Variants in SKI observed in about 807,000 individuals in gnomAD.
SKI encodes SKI proto-oncogene.
SKI carries 23 observed loss-of-function variants against 59.3 expected under a neutral mutation model. The observed-to-expected ratio is 0.39, with a 90% CI of 0.28 to 0.55. The LOEUF is 0.55. Among genes scored for constraint, SKI ranks in the 20% least tolerant of loss-of-function variants. The pLI, the probability that SKI is intolerant of heterozygous loss-of-function variation, is 0.67. For synonymous variants in SKI, 673 were observed against 488.6 expected (o/e 1.38, Z -4.98); for missense variants, 1,017 against 1,038.9 (o/e 0.98, Z 0.29).
intron 1 of SKI, among the ~76,000 whole-genome samples, chr1:2,263,222 A>T (rs1448810370): frequency 1.4e-5 from 2 of 142,404 alleles, no homozygotes; most frequent in Non-Finnish European, 3.0e-5. Context: ...ATTTGCTAAA[A>T]TTTTGCTTAG....
intron 1 of SKI, among the ~76,000 whole-genome samples, chr1:2,296,754 T>C (rs1047101819): frequency 2.6e-5 from 4 of 152,180 alleles, no homozygotes; most frequent in Admixed American, 6.5e-5. Context: ...TGTTGTTGTG[T>C]TTTCTCTCTG....
Position 2,306,809 on chromosome 1 carries a change from G to T in SKI, c.*44G>T. The T allele has an allele frequency of 7.2e-7, 1 of 1,382,064 alleles. No individual in the cohort carries two copies. The highest frequency in any genetic ancestry group is 1.4e-5 in the South Asian group (1 of 69,172). 85.6% of individuals were successfully genotyped at this position (1,382,064 alleles called of 1,614,324 possible). ...CAGCGCCGCCGACAACGCGGGTGCA[G>T]GGGGGCGCGGCTGGGCGGTGCAGCT... On this transcript the variant is annotated 3_prime_UTR_variant, in exon 7 of 7. Coordinates refer to ENST00000378536, the MANE Select transcript of SKI (RefSeq NM_003036.4).
At position 2,303,699 on chromosome 1, in the gene SKI, G is replaced by A. The variant is rs1640485945; in HGVS notation, c.1212-141G>A. ...AGCAGAAAACGCTTACGGGTTCTTA[G>A]GGAACTGTAAGCTTGACTTGAAGAT... On this transcript the variant is annotated intron_variant, in intron 3 of 6. Transcript: ENST00000378536. The surrounding 1 kb of genome is among the most constrained non-coding windows in gnomAD (Gnocchi z 5.6). 1.7e-6 allele frequency: 2 copies of A among 1,197,388 alleles called. No individual in the cohort carries two copies. The highest frequency in any genetic ancestry group is 1.3e-5 in the South Asian group (1 of 74,174). The allele number at this position is 1,197,388 out of a possible 1,614,324, so 74.2% of individuals were successfully genotyped here. A position where few individuals can be genotyped will look rare whatever the true frequency, so the allele number is the denominator to read the frequency against.
At chr1:2,282,528 G>A (rs554768024) in intron 1 of SKI, among the ~76,000 whole-genome samples, 8 of 152,028 alleles carry the variant, frequency 5.3e-5, no homozygotes, top group South Asian at 2.1e-4. Context: ...AGGCAGTGGC[G>A]GAGATCTTCA....
intron 1 of SKI, among the ~76,000 whole-genome samples, chr1:2,276,435 C>T (rs1639745242): frequency 6.6e-6 from 1 of 152,216 alleles, no homozygotes; most frequent in Non-Finnish European, 1.5e-5. Context: ...CTGCTGCTCT[C>T]CTGGCCCCTG....
At chr1:2,243,770 A>G (rs1638929361) in intron 1 of SKI, among the ~76,000 whole-genome samples, 1 of 152,126 alleles carries the variant, frequency 6.6e-6, no homozygotes, top group African/African-American at 2.4e-5. Flanking sequence ...GGGGAGGCAC[A>G]CTGTCTGCCA....
rs541051700 is a variant in SKI, at chr1:2,298,486, C to CG, written c.970-4489dup. Among the ~76,000 whole-genome samples, 15 of 152,312 alleles carry CG rather than the reference C, an allele frequency of 9.8e-5. No homozygotes were observed. In the East Asian group the frequency reaches 2.7e-3, roughly 27 times the overall value. On this transcript the variant is annotated intron_variant, in intron 1 of 6. Coordinates refer to ENST00000378536, the MANE Select transcript of SKI (RefSeq NM_003036.4). ...CTGGGGTGTGGCCGTGGCCTGTCCC[C>CG]GGGCCGGATGGCTTTCTCAGCAGCT... is the stretch of plus-strand genomic sequence containing the variant.
Position 2,229,040 on chromosome 1 carries a change from A to C in SKI, c.274A>C (p.Met92Leu). 6.2e-7 allele frequency: 1 copy of C among 1,602,482 alleles called. No homozygotes were observed. The highest frequency in any genetic ancestry group is 8.5e-7 in the Non-Finnish European group (1 of 1,179,020). The change falls in exon 1 of 7, where the codon ATG becomes CTG. Residue 92 changes from methionine (M) to leucine (L), a missense_variant. Transcript: ENST00000378536. This position sits in a 1 kb window ranked among gnomAD's most constrained non-coding sequence, Gnocchi z 6.3. ...PPPVLPGPFFMPSDRSTERCE... is the reference protein window; with the variant it reads ...PPPVLPGPFFLPSDRSTERCE... ...GCCCGTGCTGCCCGGGCCCTTCTTC[A>C]TGCCGTCCGACCGCTCCACCGAGCG...
chr1:2,279,526 G>A (rs1162801291), intron 1 of SKI, among the ~76,000 whole-genome samples: 3 of 152,168 alleles, frequency 2.0e-5, no homozygotes, highest in Non-Finnish European at 4.4e-5. Context: ...ATTAGGGGGA[G>A]GGGGACACAG....
chr1:2,230,925 G>A (rs1213467164), intron 1 of SKI, among the ~76,000 whole-genome samples: 1 of 152,144 alleles, frequency 6.6e-6, no homozygotes, highest in Non-Finnish European at 1.5e-5. Context: ...GGAAGCGAGG[G>A]ACTGTCGCCT....
At chr1:2,271,600 G>C (rs1431562712) in intron 1 of SKI, among the ~76,000 whole-genome samples, 1 of 152,152 alleles carries the variant, frequency 6.6e-6, no homozygotes, top group Non-Finnish European at 1.5e-5. Flanking sequence ...CTCGCCTTTT[G>C]TGCTACGCTG....
At chr1:2,231,977 G>A (rs1028693405) in intron 1 of SKI, among the ~76,000 whole-genome samples, 2 of 152,208 alleles carry the variant, frequency 1.3e-5, no homozygotes, top group African/African-American at 2.4e-5. Flanking sequence ...AGCCGTGTGC[G>A]TGTCTCTGTG....
At chr1:2,287,415 C>T (rs990096175) in intron 1 of SKI, among the ~76,000 whole-genome samples, 3 of 150,212 alleles carry the variant, frequency 2.0e-5, no homozygotes, top group African/African-American at 2.5e-5. Context: ...CGGCTCACTG[C>T]AAGCTCCGCC....
rs1031541663 is a variant in SKI at position 2,267,385 on chromosome 1, AG to A, written c.970-35589del. On this transcript the variant is annotated intron_variant, in intron 1 of 6. Transcript: ENST00000378536. This position sits in a 1 kb window ranked among gnomAD's most constrained non-coding sequence, Gnocchi z 4.1. The stretch of plus-strand genomic sequence containing the variant: ...AGTCTGATCCTGTGAGGAGCAAGGA[AG>A]GGGTGTGTTGACAGGGCCGTTCGGG... 6.6e-6 allele frequency among the ~76,000 whole-genome samples: 1 copy of A among 152,150 alleles called. No individual in the cohort carries two copies. Among genetic ancestry groups the A allele is most frequent in the African/African-American group, 2.4e-5 (1 of 41,428 alleles).
At chr1:2,253,953 G>A (rs997939075) in intron 1 of SKI, among the ~76,000 whole-genome samples, 1 of 152,268 alleles carries the variant, frequency 6.6e-6, no homozygotes, top group African/African-American at 2.4e-5. Context: ...TGCTGGAAGA[G>A]AAGGCTCTGG....
chr1:2,284,654 G>A (rs777027016), intron 1 of SKI, among the ~76,000 whole-genome samples: 160 of 152,306 alleles, frequency 1.1e-3, no homozygotes, highest in Non-Finnish European at 1.9e-3. Flanking sequence ...GACTGCATGG[G>A]CCTCTTGCGG....
In SKI at chr1:2,306,066, C is replaced by T. The variant is rs1446908865; in HGVS notation, c.1814C>T (p.Ala605Val). The T allele has an allele frequency of 1.2e-6, 2 of 1,600,514 alleles. No individual in the cohort carries two copies. Among genetic ancestry groups the T allele is most frequent in the African/African-American group, 1.3e-5 (1 of 74,810 alleles). Residue 605 changes from alanine (A) to valine (V), a missense_variant, in exon 6 of 7, where the codon GCC becomes GTC. Physicochemically the swap from Ala to Val is moderately conservative, Grantham distance 64. Coordinates refer to ENST00000378536, the MANE Select transcript of SKI (RefSeq NM_003036.4). The part of the protein sequence containing the change: ...RVAKKEKLRE[A>V]TEAKRNLRKE... ...GCCAAGAAGGAGAAGCTGCGGGAGGCCACGGAGGCCAAGCGTAACCTGCGG... is the reference window on the plus strand; with the variant it reads ...GCCAAGAAGGAGAAGCTGCGGGAGGTCACGGAGGCCAAGCGTAACCTGCGG...
intron 1 of SKI, among the ~76,000 whole-genome samples, chr1:2,293,307 C>T (rs1640207169): frequency 6.6e-6 from 1 of 152,148 alleles, no homozygotes; most frequent in Non-Finnish European, 1.5e-5. Flanking sequence ...TGGGTGGCTG[C>T]CCTGTGTGCT....
chr1:2,249,900 T>C (rs954103445), intron 1 of SKI, among the ~76,000 whole-genome samples: 1 of 152,146 alleles, frequency 6.6e-6, no homozygotes, highest in African/African-American at 2.4e-5. Context: ...GCAGCTTGCA[T>C]CTTTTGGCCA....
Sources: gnomAD v4.1 joint callset for allele counts (sites outside exome capture counted in the v4.1 genomes callset) on GRCh38, gnomAD v4.1.1 for gene constraint, Gnocchi (gnomAD v3.1) non-coding constraint, MANE v1.5 for transcripts, NCBI Gene and HGNC (gene_info 2026-07-23, HGNC 2026-07-21) for gene names.